The following AP1M2 variants were observed in gnomAD, a reference collection of about 807,000 sequenced individuals.
The protein encoded by AP1M2 is adaptor related protein complex 1 subunit mu 2, also known as AP-1 complex subunit mu-2.
In AP1M2, 41 loss-of-function variants were observed where a neutral mutation model predicts 54.6. That is an observed-to-expected ratio of 0.75 (90% CI 0.59 to 0.97). The LOEUF is 0.97. AP1M2 is among the 50% of genes least tolerant of loss of function. The pLI, the probability that AP1M2 is intolerant of heterozygous loss-of-function variation, is 0.00. For missense variants in AP1M2, 507 were observed against 561.2 expected (o/e 0.90, Z 0.98); for synonymous variants, 219 against 215.9 (o/e 1.01, Z -0.13).
intron 6 of AP1M2, among the ~76,000 whole-genome samples, chr19:10,580,127 C>T (rs1363237868): frequency 6.7e-6 from 1 of 150,226 alleles, no homozygotes; most frequent in Non-Finnish European, 1.5e-5. Context: ...TCTTGGCTCA[C>T]CGCAACCTCC....
At chr19:10,577,717 G>A (rs1917291249) in intron 8 of AP1M2, among the ~76,000 whole-genome samples, 1 of 143,354 alleles carries the variant, frequency 7.0e-6, no homozygotes, top group Admixed American at 7.2e-5. Flanking sequence ...TTACAGGCGT[G>A]AGCCACCATG....
intron 1 of AP1M2, among the ~76,000 whole-genome samples, chr19:10,586,728 T>C (rs1057295557): frequency 2.0e-4 from 31 of 152,054 alleles, no homozygotes; most frequent in Admixed American, 1.5e-3. Flanking sequence ...CAAGAGACCC[T>C]GTCTCCAAAA....
intron 1 of AP1M2, chr19:10,585,134 G>A (rs973687240): frequency 6.6e-6 from 1 of 151,430 alleles, no homozygotes; most frequent in Admixed American, 6.6e-5. Flanking sequence ...AGAATCAATT[G>A]AGCCTAGGAG....
At chr19:10,585,596 C>G (rs1917634121) in intron 1 of AP1M2, among the ~76,000 whole-genome samples, 1 of 151,742 alleles carries the variant, frequency 6.6e-6, no homozygotes, top group Non-Finnish European at 1.5e-5. Flanking sequence ...ACTCAGGAGG[C>G]TAAGGCATGA....
chr19:10,575,224 T>C (rs999973529), intron 9 of AP1M2, among the ~76,000 whole-genome samples, 195 bp from the exon 10 acceptor site: 6 of 152,120 alleles, frequency 3.9e-5, no homozygotes, highest in African/African-American at 1.4e-4. Context: ...CGGTGGAACA[T>C]GCCTGCAGTT....
intron 3 of AP1M2, 87 bp from the exon 4 acceptor site, chr19:10,581,965 A>T: frequency 7.1e-7 from 1 of 1,410,032 alleles, no homozygotes; most frequent in Non-Finnish European, 9.4e-7. Context: ...GCACCTTGGG[A>T]GGCCAAGGCA....
At chr19:10,583,474 GAA>G (rs377737279) in intron 3 of AP1M2, 130 bp downstream of exon 3, 1,072 of 533,378 alleles carry the variant, frequency 2.0e-3, no homozygotes, top group South Asian at 3.6e-3. Flanking sequence ...ATCTCTACCA[GAA>G]AAAAAAAAAA....
At chr19:10,580,523 C>T (rs778303640) in intron 6 of AP1M2, among the ~76,000 whole-genome samples, 6 of 152,114 alleles carry the variant, frequency 3.9e-5, no homozygotes, top group Non-Finnish European at 8.8e-5. Context: ...ATTAGCTGGG[C>T]GTGGTGGCTG....
At chr19:10,574,789 C>G (rs1023516828) in intron 10 of AP1M2, 115 bp downstream of exon 10, 10 of 1,344,022 alleles carry the variant, frequency 7.4e-6, no homozygotes, top group Non-Finnish European at 9.9e-6. Flanking sequence ...GACCAGGCAG[C>G]CTTCAGAGGA....
At chr19:10,579,447 A>G (rs12462981) in intron 7 of AP1M2, among the ~76,000 whole-genome samples, 11,435 of 152,142 alleles carry the variant, frequency 0.075, 1,257 homozygotes, top group East Asian at 0.51. Context: ...ATTAAAAAAA[A>G]CAAATAAAGC....
At position 10,587,271 on chromosome 19, in the gene AP1M2, C is replaced by T; in HGVS notation, c.-40G>A. The T allele has an allele frequency of 6.4e-7, 1 of 1,555,454 alleles. No homozygotes were observed. The highest frequency in any genetic ancestry group is 2.4e-5 in the East Asian group (1 of 40,880). On this transcript the variant is annotated 5_prime_UTR_variant, in exon 1 of 12. Transcript: ENST00000250244. ...GACTTAGGAGTCGGGGAGGGAGCGC[C>T]GGGAGGCGATGGCGGCGCCGCTTCC...
At position 10,574,483 on chromosome 19, in the gene AP1M2, T is replaced by G. The variant is rs199653684; in HGVS notation, c.1183A>C (p.Met395Leu). 1.1e-4 allele frequency: 174 copies of G among 1,564,468 alleles called. No homozygotes were observed. Among genetic ancestry groups the G allele is most frequent in the Non-Finnish European group, 1.4e-4 (165 of 1,154,334 alleles). Residue 395 changes from methionine (M) to leucine (L), a missense_variant, in exon 11 of 12, where the codon ATG becomes CTG. By Grantham distance (15) the Met-to-Leu change is conservative. Coordinates refer to ENST00000250244, the MANE Select transcript of AP1M2 (RefSeq NM_005498.5). ...TAACCACTTTTCTCAATGATCTTCATGTATCGGACCTGGAAGGGAATGAAA... is the reference window on the plus strand; with the variant it reads ...TAACCACTTTTCTCAATGATCTTCAGGTATCGGACCTGGAAGGGAATGAAA... Reference protein sequence around the residue: ...FTVSGIQVRYMKIIEKSGYQA... With the variant: ...FTVSGIQVRYLKIIEKSGYQA...
At chr19:10,576,237 G>T (rs993345275) in intron 9 of AP1M2, among the ~76,000 whole-genome samples, 1 of 144,006 alleles carries the variant, frequency 6.9e-6, no homozygotes, top group Non-Finnish European at 1.5e-5. Context: ...TACTACAGGC[G>T]CACACCCCCA....
chr19:10,585,693 A>C (rs1261800877), intron 1 of AP1M2, among the ~76,000 whole-genome samples: 1 of 152,114 alleles, frequency 6.6e-6, no homozygotes, highest in African/African-American at 2.4e-5. Flanking sequence ...CTCCAAAAAA[A>C]AAAAAAATTA....
intron 8 of AP1M2, among the ~76,000 whole-genome samples, chr19:10,577,867 G>A (rs767906579): frequency 2.6e-5 from 4 of 151,844 alleles, no homozygotes; most frequent in African/African-American, 4.8e-5. Context: ...CTCCCAAGTA[G>A]GTGGGATTAC....
Position 10,577,327 on chromosome 19 carries a change from C to T in AP1M2, c.918G>A (p.Val306=), listed in dbSNP as rs202072732. 3 of 1,610,194 alleles carry T rather than the reference C, an allele frequency of 1.9e-6. No individual in the cohort carries two copies. In the South Asian group the frequency reaches 3.3e-5, roughly 18 times the overall value. ...KAKGQFKKQS[V]ANGVEISVPV... ...GCACAGATATCTCCACACCGTTGGCCACTGACTGTTTCTTAAACTGCCCCT... is the reference window on the plus strand; with the variant it reads ...GCACAGATATCTCCACACCGTTGGCTACTGACTGTTTCTTAAACTGCCCCT... The change falls in exon 9 of 12, where the codon GTG becomes GTA. Residue 306 remains valine (V), a synonymous_variant. Transcript: ENST00000250244.
intron 8 of AP1M2, 116 bp downstream of exon 8, chr19:10,578,776 T>C: frequency 1.5e-6 from 1 of 681,618 alleles, no homozygotes; most frequent in Non-Finnish European, 2.5e-6. Flanking sequence ...GGTCTCAAAG[T>C]CCTGGGCTTA....
chr19:10,585,306 A>AAGGAAG (rs1917612146), intron 1 of AP1M2, among the ~76,000 whole-genome samples: 1 of 93,496 alleles, frequency 1.1e-5, no homozygotes, highest in African/African-American at 3.2e-5. Flanking sequence ...AAAGAAAGAA[A>AAGGAAG]GAAAGAAAGA....
intron 3 of AP1M2, among the ~76,000 whole-genome samples, chr19:10,583,399 C>A (rs1343666309): frequency 1.3e-5 from 2 of 151,258 alleles, no homozygotes; most frequent in Admixed American, 6.6e-5. Context: ...CTTTGGGAGG[C>A]CAAGGCAGTA....
Sources: gnomAD v4.1 joint callset for allele counts (sites outside exome capture counted in the v4.1 genomes callset) on GRCh38, gnomAD v4.1.1 for gene constraint, MANE v1.5 for transcripts, NCBI Gene and HGNC (gene_info 2026-07-23, HGNC 2026-07-21) for gene names.